The following AFG2A variants were observed in gnomAD, a reference collection of about 807,000 sequenced individuals.
The protein encoded by AFG2A is ATPase family gene 2 protein homolog A.
chr4:122,993,447 T>C, the AFG2A span, among the ~76,000 whole-genome samples: 1 of 152,212 alleles, frequency 6.6e-6, no homozygotes, highest in African/African-American at 2.4e-5. Context: ...GGATAAACTG[T>C]AATTGGTTGA....
chr4:123,264,691 T>A, the AFG2A span, among the ~76,000 whole-genome samples: 1 of 152,192 alleles, frequency 6.6e-6, no homozygotes, highest in African/African-American at 2.4e-5. Flanking sequence ...TTTTATGATC[T>A]ACATGCTAAG....
chr4:123,085,177 G>A, the AFG2A span, among the ~76,000 whole-genome samples: 4 of 152,158 alleles, frequency 2.6e-5, no homozygotes, highest in Non-Finnish European at 5.9e-5. Flanking sequence ...TGAAGAATGT[G>A]TTGGCTGTTG....
At chr4:123,285,438 CAG>C in the AFG2A span, among the ~76,000 whole-genome samples, 20 of 152,108 alleles carry the variant, frequency 1.3e-4, no homozygotes, top group African/African-American at 4.8e-4. Context: ...CAGGAGAACT[CAG>C]AGGGCTGCAA....
At chr4:123,003,967 C>A in the AFG2A span, among the ~76,000 whole-genome samples, 1 of 152,216 alleles carries the variant, frequency 6.6e-6, no homozygotes, top group Admixed American at 6.5e-5. Context: ...CCACCCAGTT[C>A]AAGCTTCTTG....
the AFG2A span, among the ~76,000 whole-genome samples, chr4:123,079,971 G>A: frequency 6.6e-6 from 1 of 151,744 alleles, no homozygotes; most frequent in Admixed American, 6.6e-5. Context: ...GGATGGTCTC[G>A]ATCGCCTGAC....
chr4:123,042,227 G>C, the AFG2A span, among the ~76,000 whole-genome samples: 1 of 152,100 alleles, frequency 6.6e-6, no homozygotes, highest in Non-Finnish European at 1.5e-5. Flanking sequence ...CACAATCCTG[G>C]AGGCTGGGAA....
chr4:123,136,858 G>GA, the AFG2A span, among the ~76,000 whole-genome samples: 8 of 148,038 alleles, frequency 5.4e-5, no homozygotes, highest in Admixed American at 4.0e-4. Flanking sequence ...AAAAAAAAAA[G>GA]AAAAAAAGAG....
chr4:122,981,782 A>AT, the AFG2A span, among the ~76,000 whole-genome samples: 1 of 151,294 alleles, frequency 6.6e-6, no homozygotes, highest in African/African-American at 2.4e-5. Flanking sequence ...TGTAAATGGG[A>AT]TTTTCTTTTT....
chr4:123,123,230 A>G, the AFG2A span, among the ~76,000 whole-genome samples: 1 of 152,194 alleles, frequency 6.6e-6, no homozygotes, highest in Non-Finnish European at 1.5e-5. Flanking sequence ...TAAATTCTTG[A>G]TAAGTCTTGC....
At chr4:123,135,709 A>G in the AFG2A span, among the ~76,000 whole-genome samples, 1 of 152,212 alleles carries the variant, frequency 6.6e-6, no homozygotes, top group African/African-American at 2.4e-5. Context: ...CATTTAAAGT[A>G]TATGGGATAG....
chr4:123,169,456 T>C, the AFG2A span, among the ~76,000 whole-genome samples: 3 of 152,274 alleles, frequency 2.0e-5, no homozygotes, highest in Non-Finnish European at 2.9e-5. Flanking sequence ...AGAGCCTGGC[T>C]ATGCGCATTG....
chr4:123,130,320 T>C, the AFG2A span, among the ~76,000 whole-genome samples: 5 of 152,202 alleles, frequency 3.3e-5, no homozygotes, highest in Non-Finnish European at 7.3e-5. Flanking sequence ...CCAGGTTCAG[T>C]TCTGTCAGTT....
the AFG2A span, among the ~76,000 whole-genome samples, chr4:123,027,968 A>AT: frequency 0.99 from 146,478 of 148,044 alleles, 72,463 homozygotes; most frequent in Middle Eastern, 1. Flanking sequence ...TACAAGCAGA[A>AT]TTTTTTTTTT....
chr4:123,026,622 T>C, the AFG2A span, among the ~76,000 whole-genome samples: 1 of 152,230 alleles, frequency 6.6e-6, no homozygotes, highest in Non-Finnish European at 1.5e-5. Context: ...ATTTGTACTG[T>C]ACTTATGTTA....
the AFG2A span, among the ~76,000 whole-genome samples, chr4:123,278,083 G>T: frequency 1.3e-5 from 2 of 151,918 alleles, no homozygotes; most frequent in African/African-American, 2.4e-5. Context: ...GTAGAATTCT[G>T]TCTGGTCCTG....
the AFG2A span, among the ~76,000 whole-genome samples, chr4:123,222,197 C>T: frequency 1.4e-4 from 22 of 152,212 alleles, no homozygotes; most frequent in African/African-American, 5.1e-4. Flanking sequence ...CATGATTTAC[C>T]TTCAATTCTG....
At chr4:123,310,960 C>T in the AFG2A span, among the ~76,000 whole-genome samples, 1 of 152,112 alleles carries the variant, frequency 6.6e-6, no homozygotes, top group African/African-American at 2.4e-5. Context: ...TGCACTCCTT[C>T]CTCTACACAG....
the AFG2A span, among the ~76,000 whole-genome samples, chr4:122,965,909 T>G: frequency 3.3e-5 from 5 of 152,192 alleles, no homozygotes; most frequent in Admixed American, 6.5e-5. Context: ...TTATTTAAAT[T>G]TGAATAATTA....
the AFG2A span, among the ~76,000 whole-genome samples, chr4:123,238,163 A>G: frequency 6.6e-6 from 1 of 152,086 alleles, no homozygotes; most frequent in Non-Finnish European, 1.5e-5. Context: ...TAGGTAAACA[A>G]AGTGGCCAGG....
Sources: allele counts gnomAD v4.1 joint callset (sites outside exome capture counted in the v4.1 genomes callset), GRCh38; gene constraint gnomAD v4.1.1; transcripts MANE v1.5; gene names NCBI Gene and HGNC (gene_info 2026-07-23, HGNC 2026-07-21).